Variants in HMCN1 observed in about 807,000 individuals in gnomAD.
The protein encoded by HMCN1 is hemicentin-1.
In HMCN1, 321 loss-of-function variants were observed where a neutral mutation model predicts 625.9. The observed-to-expected ratio is 0.51, with a 90% CI of 0.47 to 0.56. HMCN1 has a LOEUF of 0.56. Ranked by LOEUF, HMCN1 falls within the 20% of genes least tolerant of loss-of-function variation. The probability of loss-of-function intolerance (pLI) is 0.00; values close to 1 mark genes in which losing one functional copy is unlikely to be tolerated. For missense variants in HMCN1, 6,588 were observed against 6,887.3 expected (o/e 0.96, Z 1.54); for synonymous variants, 2,425 against 2,417.6 (o/e 1.00, Z -0.09).
chr1:186,124,638 TATAATC>T (rs575499599), intron 81 of HMCN1, among the ~76,000 whole-genome samples: 169 of 152,184 alleles, frequency 1.1e-3, no homozygotes, highest in African/African-American at 3.8e-3. Context: ...TATTTAATCA[TATAATC>T]ATAAAGGACA....
intron 93 of HMCN1, among the ~76,000 whole-genome samples, chr1:186,148,873 C>T (rs2102567136): frequency 6.6e-6 from 1 of 152,158 alleles, no homozygotes; most frequent in East Asian, 1.9e-4. Flanking sequence ...CCTTGTACAT[C>T]TCCATTAGAC....
rs887617994 is a variant in HMCN1 at position 185,944,661 on chromosome 1, C to T, written c.1828+10837C>T. Among the ~76,000 whole-genome samples the T allele has an allele frequency of 3.3e-5, 5 of 152,110 alleles. No individual in the cohort carries two copies. The South Asian group carries it at 8.3e-4, about 25-fold the overall frequency. On this transcript the variant is annotated intron_variant, in intron 11 of 106. Transcript: ENST00000271588. ...GACTTAAACTGTGGTAGAGTAGCTG[C>T]TAAGGAGAGTTCTGGAGGAGAGGGA...
In HMCN1 at chr1:185,793,964, A is replaced by G. The variant is rs2102206980; in HGVS notation, c.269-52062A>G. Reference sequence around the variant, plus strand: ...GAAAGTTGAGGCATTAACTGGATTTAGATATGTTATTCCCATGTATTCCAA... The same window carrying G: ...GAAAGTTGAGGCATTAACTGGATTTGGATATGTTATTCCCATGTATTCCAA... On this transcript the variant is annotated intron_variant, in intron 1 of 106. Transcript: ENST00000271588. Among the ~76,000 whole-genome samples the G allele has an allele frequency of 2.0e-5, 3 of 152,326 alleles. No individual in the cohort carries two copies. The East Asian group carries it at 5.8e-4, about 29-fold the overall frequency.
intron 14 of HMCN1, among the ~76,000 whole-genome samples, chr1:185,966,780 G>C (rs1256280586): frequency 6.6e-6 from 1 of 152,104 alleles, no homozygotes. Flanking sequence ...ACAGGTTGAT[G>C]TCATAATCAC....
rs75178128 is a variant in HMCN1 at position 185,878,987 on chromosome 1, C to T, written c.621+13124C>T. ...GGACATGTTCTTCTTTAATACTCCT[C>T]TTTGCTCTTGATATTAGCACACTTC... On this transcript the variant is annotated intron_variant, in intron 4 of 106. Transcript: ENST00000271588. Among the ~76,000 whole-genome samples, 1,147 of 152,288 alleles carry T rather than the reference C, an allele frequency of 7.5e-3. 8 individuals carry two copies. The highest frequency in any genetic ancestry group is 0.011 in the Non-Finnish European group (720 of 68,032).
intron 1 of HMCN1, among the ~76,000 whole-genome samples, chr1:185,811,788 G>A (rs761277288): frequency 1.3e-5 from 2 of 150,802 alleles, no homozygotes; most frequent in Non-Finnish European, 2.9e-5. Context: ...GATTGTTTTA[G>A]CAAAAAGATT....
At position 186,112,881 on chromosome 1, in the gene HMCN1, A is replaced by G. The variant is rs146431900; in HGVS notation, c.11059A>G (p.Thr3687Ala). Residue 3687 changes from threonine (T) to alanine (A), a missense_variant, in exon 72 of 107, where the codon ACA becomes GCA. Coordinates refer to ENST00000271588, the MANE Select transcript of HMCN1 (RefSeq NM_031935.3). ...AATCAACAATGCTGACCTAGGTGAT[A>G]CAGCCAATTATACCTGTGTTGCCAG... The part of the protein sequence containing the change: ...LQINNADLGD[T>A]ANYTCVASNI... 7.4e-6 allele frequency: 12 copies of G among 1,614,186 alleles called. No individual in the cohort carries two copies. The highest frequency in any genetic ancestry group is 1.6e-4 in the Middle Eastern group (1 of 6,062).
intron 77 of HMCN1, among the ~76,000 whole-genome samples, chr1:186,117,986 G>A (rs1001415021): frequency 9.9e-5 from 15 of 151,896 alleles, no homozygotes; most frequent in Admixed American, 7.9e-4. Context: ...TTCATTTATC[G>A]AACATTTAGT....
intron 14 of HMCN1, among the ~76,000 whole-genome samples, chr1:185,966,535 G>A (rs752950217): frequency 2.0e-5 from 3 of 151,992 alleles, no homozygotes; most frequent in African/African-American, 4.8e-5. Flanking sequence ...TCTGGTTCCC[G>A]CTCAGATGCT....
intron 81 of HMCN1, among the ~76,000 whole-genome samples, chr1:186,123,422 G>C (rs1661494050): frequency 6.6e-6 from 1 of 152,148 alleles, no homozygotes; most frequent in Non-Finnish European, 1.5e-5. Context: ...AGGTGTGTGA[G>C]AGAGAAAGAC....
At chr1:185,781,930 A>G (rs893506104) in intron 1 of HMCN1, among the ~76,000 whole-genome samples, 1 of 152,052 alleles carries the variant, frequency 6.6e-6, no homozygotes, top group African/African-American at 2.4e-5. Context: ...GTAGATGTCT[A>G]ATGTTGACAG....
In HMCN1 at chr1:186,087,619, C is replaced by G; in HGVS notation, c.9337C>G (p.Gln3113Glu). 1 of 1,613,124 alleles carries G rather than the reference C, an allele frequency of 6.2e-7. No homozygotes were observed. The highest frequency in any genetic ancestry group is 8.5e-7 in the Non-Finnish European group (1 of 1,179,350). ...STHVEILADG[Q>E]MLHIKKAEVS... ...TCATGTGGAGATTTTAGCTGATGGACAAATGCTACACATTAAGAAAGCTGA... is the reference window on the plus strand; with the variant it reads ...TCATGTGGAGATTTTAGCTGATGGAGAAATGCTACACATTAAGAAAGCTGA... Residue 3113 changes from glutamine to glutamate, a missense_variant, in exon 60 of 107, where the codon CAA becomes GAA. By Grantham distance (29) the Gln-to-Glu change is conservative (BLOSUM62 2). Around this residue, in one of 3 missense-constraint regions of HMCN1, gnomAD observed 4,628 missense variants for 4,853.1 expected, o/e 0.95. Transcript: ENST00000271588.
rs776888162 is a variant in HMCN1 at position 186,055,636 on chromosome 1, C to T, written c.7106C>T (p.Ala2369Val). The T allele has an allele frequency of 6.2e-7, 1 of 1,612,612 alleles. No individual in the cohort carries two copies. The highest frequency in any genetic ancestry group is 8.5e-7 in the Non-Finnish European group (1 of 1,179,030). ...GRYVCVAVNV[A>V]GMTDKKYDLS... Reference sequence around the variant, plus strand: ...TATGTGTGTGTTGCTGTGAATGTAGCAGGAATGACTGACAAAAAATATGAC... The same window carrying T: ...TATGTGTGTGTTGCTGTGAATGTAGTAGGAATGACTGACAAAAAATATGAC... The change falls in exon 45 of 107, where the codon GCA becomes GTA. Residue 2369 changes from alanine (A) to valine (V), a missense_variant. Around this residue, in one of 3 missense-constraint regions of HMCN1, gnomAD observed 4,628 missense variants for 4,853.1 expected, o/e 0.95. Transcript: ENST00000271588.
At position 185,854,605 on chromosome 1, in the gene HMCN1, T is replaced by C. The variant is rs1037145800; in HGVS notation, c.339+8509T>C. 3.3e-5 allele frequency among the ~76,000 whole-genome samples: 5 copies of C among 152,186 alleles called. 1 individual carries two copies. The highest frequency in any genetic ancestry group is 1.2e-4 in the African/African-American group (5 of 41,448). On this transcript the variant is annotated intron_variant, in intron 2 of 106. Transcript: ENST00000271588. Reference sequence around the variant, plus strand: ...GCTAAGTCCCTCAGGTTTCCTTACATAAATGTTTAAACTAGGTCTCTATCC... The same window carrying C: ...GCTAAGTCCCTCAGGTTTCCTTACACAAATGTTTAAACTAGGTCTCTATCC...
chr1:186,177,608 G>A (rs1022465496), intron 103 of HMCN1, among the ~76,000 whole-genome samples: 19 of 152,134 alleles, frequency 1.2e-4, no homozygotes, highest in African/African-American at 4.1e-4. Flanking sequence ...AAAGATGCTT[G>A]CAGAAAGACC....
In HMCN1 at chr1:186,161,453, A is replaced by T. The variant is rs559871360; in HGVS notation, c.15257-3658A>T. Among the ~76,000 whole-genome samples, 1,134 of 150,556 alleles carry T rather than the reference A, an allele frequency of 7.5e-3. 8 individuals carry two copies. Among genetic ancestry groups the T allele is most frequent in the African/African-American group, 0.026 (1,046 of 40,284 alleles). ...TTAATATTGTTATGTGTGAATTTGA[A>T]CCTGTCATTATGATGTTAGCTGGTT... On this transcript the variant is annotated intron_variant, in intron 97 of 106. Transcript: ENST00000271588.
chr1:186,098,289 T>G (rs1214414792), intron 68 of HMCN1, among the ~76,000 whole-genome samples: 1 of 152,096 alleles, frequency 6.6e-6, no homozygotes, highest in Non-Finnish European at 1.5e-5. Context: ...GAGAAAATAT[T>G]TCAAACTATA....
chr1:185,897,327 T>G (rs1034184833), intron 4 of HMCN1, among the ~76,000 whole-genome samples: 1 of 152,152 alleles, frequency 6.6e-6, no homozygotes, highest in Non-Finnish European at 1.5e-5. Flanking sequence ...TCCACCACAT[T>G]CTTCCAGTAG....
intron 1 of HMCN1, among the ~76,000 whole-genome samples, chr1:185,794,649 G>A (rs1160912660): frequency 7.6e-6 from 1 of 131,734 alleles, no homozygotes; most frequent in African/African-American, 3.0e-5. Flanking sequence ...TAGCTGTGCC[G>A]GCAGCTGATT....
Sources: allele counts gnomAD v4.1 joint callset (sites outside exome capture counted in the v4.1 genomes callset), GRCh38; gene constraint gnomAD v4.1.1; regional missense constraint gnomAD v4.1.1; transcripts MANE v1.5; gene names NCBI Gene and HGNC (gene_info 2026-07-23, HGNC 2026-07-21).